ZNF608: variants seen among roughly 807,000 people sequenced by gnomAD.
ZNF608 encodes zinc finger protein 608.
ZNF608 carries 12 observed loss-of-function variants against 109.0 expected under a neutral mutation model. That is an observed-to-expected ratio of 0.11 (90% confidence interval 0.07 to 0.18). The LOEUF is 0.18. Ranked by LOEUF, ZNF608 falls within the 10% of genes least tolerant of loss-of-function variation. The pLI is 1.00. For missense variants in ZNF608, 1,707 were observed against 1,879.3 expected (o/e 0.91, Z 1.70); for synonymous variants, 732 against 717.4 (o/e 1.02, Z -0.33).
In ZNF608 at chr5:124,744,159, T is replaced by G. The variant is rs1451489687; in HGVS notation, c.831A>C (p.Gly277=). Residue 277 remains glycine, a synonymous_variant, in exon 2 of 10, where the codon GGA becomes GGC. Coordinates refer to ENST00000513986, the MANE Select transcript of ZNF608 (RefSeq NM_020747.3). The surrounding 1 kb of genome is among the most constrained non-coding windows in gnomAD (Gnocchi z 4.5). ...CTTCCTTCTTTACCAACATAGAGTTTCCCATGAGCCCTGAATCCGGGGCAC... is the reference window on the plus strand; with the variant it reads ...CTTCCTTCTTTACCAACATAGAGTTGCCCATGAGCCCTGAATCCGGGGCAC... ...SKSAPDSGLM[G]NSMLVKKEEE... is the part of the protein sequence containing the mutation. 1 of 1,613,398 alleles carries G rather than the reference T, an allele frequency of 6.2e-7. No homozygotes were observed. The highest frequency in any genetic ancestry group is 8.5e-7 in the Non-Finnish European group (1 of 1,179,916).
chr5:124,677,071 G>A (rs774185259), intron 3 of ZNF608, among the ~76,000 whole-genome samples: 24 of 152,134 alleles, frequency 1.6e-4, no homozygotes, highest in Non-Finnish European at 2.2e-4. Flanking sequence ...TTATGCATAT[G>A]TTTTAAAATA....
intron 3 of ZNF608, among the ~76,000 whole-genome samples, chr5:124,672,264 G>T (rs947216469): frequency 1.3e-5 from 2 of 152,048 alleles, no homozygotes; most frequent in African/African-American, 2.4e-5. Context: ...CCACAGCATG[G>T]CTGACTCCTA....
intron 3 of ZNF608, among the ~76,000 whole-genome samples, chr5:124,694,893 T>C (rs1223487283): frequency 6.6e-6 from 1 of 152,184 alleles, no homozygotes; most frequent in Admixed American, 6.5e-5. Flanking sequence ...ACAACTTCCA[T>C]GGCAAGATGG....
Position 124,647,193 on chromosome 5 carries a change from T to C in ZNF608, c.3191A>G (p.Gln1064Arg). The change falls in exon 5 of 10, where the codon CAG becomes CGG. Residue 1064 changes from glutamine (Q) to arginine (R), a missense_variant. Gln to Arg is a conservative substitution (Grantham distance 43, BLOSUM62 1). Around this residue, in one of 7 missense-constraint regions of ZNF608, gnomAD observed 1,073 missense variants for 1,133.5 expected, o/e 0.95. Coordinates refer to ENST00000513986, the MANE Select transcript of ZNF608 (RefSeq NM_020747.3). ...AGGATGTCTTTGTGTGATCACCGAC[T>C]GGTGCTGAGGCTGTAAGGATGCAGA... ...HNSASLQPQHQSVITQRHPAL... is the reference protein window; with the variant it reads ...HNSASLQPQHRSVITQRHPAL... The C allele has an allele frequency of 1.2e-6, 2 of 1,614,234 alleles. No homozygotes were observed. Among genetic ancestry groups the C allele is most frequent in the Non-Finnish European group, 8.5e-7 (1 of 1,180,046 alleles).
At position 124,681,563 on chromosome 5, in the gene ZNF608, G is replaced by A. The variant is rs1752196520; in HGVS notation, c.1162+19451C>T. ...AAGACTACCTTTAAACTCCTAGGAA[G>A]ATCCCATCTCTACAAAAAATAGAAA... On this transcript the variant is annotated intron_variant, in intron 3 of 9. Transcript: ENST00000513986. Among the ~76,000 whole-genome samples the A allele has an allele frequency of 2.6e-5, 4 of 152,138 alleles. No individual in the cohort carries two copies. The South Asian group carries it at 8.3e-4, about 31-fold the overall frequency.
intron 2 of ZNF608, among the ~76,000 whole-genome samples, chr5:124,714,943 A>C (rs544214711): frequency 1.3e-5 from 2 of 152,344 alleles, no homozygotes; most frequent in African/African-American, 4.8e-5. Flanking sequence ...TTTGGAGGTA[A>C]CAGTGATTTT....
intron 3 of ZNF608, among the ~76,000 whole-genome samples, chr5:124,682,976 A>C (rs1218231778): frequency 2.0e-5 from 3 of 151,900 alleles, no homozygotes; most frequent in African/African-American, 7.3e-5. Flanking sequence ...TCTAACATTA[A>C]GTTATTCCAA....
In ZNF608 at chr5:124,646,922, T is replaced by G; in HGVS notation, c.3462A>C (p.Ser1154=). 1 of 1,613,926 alleles carries G rather than the reference T, an allele frequency of 6.2e-7. No individual in the cohort carries two copies. Among genetic ancestry groups the G allele is most frequent in the Non-Finnish European group, 8.5e-7 (1 of 1,179,904 alleles). ...KQKNMPSATI[S]KAPSTPEPNK... ...TAGGCTCCGGAGTAGAGGGAGCTTT[T>G]GAGATTGTGGCCGATGGCATATTTT... Residue 1154 remains serine (S), a synonymous_variant, in exon 5 of 10, where the codon TCA becomes TCC. Coordinates refer to ENST00000513986, the MANE Select transcript of ZNF608 (RefSeq NM_020747.3).
chr5:124,648,806 AT>A lies in ZNF608; in HGVS notation c.1577del (p.Asn526IlefsTer27). 6.2e-7 allele frequency: 1 copy of A among 1,614,228 alleles called. No individual in the cohort carries two copies. The highest frequency in any genetic ancestry group is 8.5e-7 in the Non-Finnish European group (1 of 1,180,030). The stretch of plus-strand genomic sequence containing the variant: ...GAGGGGTAGTGGGAGTGCTTCTGGA[AT>A]TTGTGCGGACACGCTTTCCAGGCTT... ...DNKPGKRVRT[N>X]SRSTPTTPQG... On this transcript the variant is annotated frameshift_variant, in exon 5 of 10. Transcript: ENST00000513986. LOFTEE classifies it high-confidence loss of function.
chr5:124,717,517 C>T (rs1561580822), intron 2 of ZNF608, among the ~76,000 whole-genome samples: 1 of 152,170 alleles, frequency 6.6e-6, no homozygotes. Context: ...ACAAACCATT[C>T]TGATTTAACC....
chr5:124,682,930 C>T (rs893638441), intron 3 of ZNF608, among the ~76,000 whole-genome samples: 1 of 152,124 alleles, frequency 6.6e-6, no homozygotes, highest in Non-Finnish European at 1.5e-5. Context: ...GTGGGCTGAA[C>T]TTACTTATAA....
intron 3 of ZNF608, among the ~76,000 whole-genome samples, chr5:124,662,474 ACT>A (rs1013461731): frequency 3.3e-5 from 5 of 152,006 alleles, no homozygotes; most frequent in African/African-American, 7.3e-5. Flanking sequence ...AATCAATCAC[ACT>A]CTCTGACAGC....
At chr5:124,642,823 T>G in intron 7 of ZNF608, among the ~76,000 whole-genome samples, 1 of 151,192 alleles carries the variant, frequency 6.6e-6, no homozygotes, top group Admixed American at 6.6e-5. Flanking sequence ...CTCAGCCTTC[T>G]GAGTAACTTG....
intron 3 of ZNF608, among the ~76,000 whole-genome samples, chr5:124,664,216 A>G (rs35334856): frequency 0.13 from 20,259 of 152,144 alleles, 1,416 homozygotes; most frequent in East Asian, 0.22. Context: ...AAATATACAA[A>G]TAGCTGCTGA....
intron 3 of ZNF608, among the ~76,000 whole-genome samples, chr5:124,698,724 C>T (rs1752939482): frequency 6.6e-6 from 1 of 152,180 alleles, no homozygotes; most frequent in African/African-American, 2.4e-5. Context: ...AGCATATGCC[C>T]AGAATTCCAC....
At chr5:124,717,043 T>C (rs1753732924) in intron 2 of ZNF608, among the ~76,000 whole-genome samples, 1 of 151,400 alleles carries the variant, frequency 6.6e-6, no homozygotes, top group African/African-American at 2.4e-5. Flanking sequence ...GATGACACCA[T>C]TGCACTCCAG....
intron 3 of ZNF608, chr5:124,666,543 C>T (rs1242274056): frequency 2.0e-5 from 3 of 152,126 alleles, no homozygotes; most frequent in Non-Finnish European, 4.4e-5. Flanking sequence ...CAATCATGTA[C>T]CTGGCTCCTA....
At chr5:124,690,452 C>G (rs4282309) in intron 3 of ZNF608, among the ~76,000 whole-genome samples, 30,034 of 152,000 alleles carry the variant, frequency 0.2, 2,961 homozygotes, top group African/African-American at 0.22. Flanking sequence ...ATAATGGATA[C>G]GCTATGCATG....
intron 8 of ZNF608, among the ~76,000 whole-genome samples, chr5:124,639,972 TA>T (rs532095871): frequency 1.7e-4 from 26 of 152,352 alleles, no homozygotes; most frequent in African/African-American, 5.3e-4. Context: ...ATACTTTATT[TA>T]TATATAGATA....
Sources: allele counts gnomAD v4.1 joint callset (sites outside exome capture counted in the v4.1 genomes callset), GRCh38; gene constraint gnomAD v4.1.1; regional missense constraint gnomAD v4.1.1; non-coding constraint Gnocchi (gnomAD v3.1); transcripts MANE v1.5; gene names NCBI Gene and HGNC (gene_info 2026-07-23, HGNC 2026-07-21).